Variants in CDH12 observed in about 807,000 individuals in gnomAD.
CDH12 encodes cadherin-12.
A neutral mutation model predicts 74.1 loss-of-function variants in CDH12; 41 were observed. That is an observed-to-expected ratio of 0.55 (90% confidence interval 0.43 to 0.72). The LOEUF (loss-of-function observed/expected upper bound fraction) is 0.72, where lower values mean the gene tolerates loss of function less well. Among genes scored for constraint, CDH12 ranks in the 30% least tolerant of loss-of-function variants. The pLI, the probability that CDH12 is intolerant of heterozygous loss-of-function variation, is 0.00. For missense variants in CDH12, 945 were observed against 977.2 expected (o/e 0.97, Z 0.44); for synonymous variants, 399 against 355.0 (o/e 1.12, Z -1.39).
chr5:22,097,309 G>A (rs553994651), intron 4 of CDH12, among the ~76,000 whole-genome samples: 20 of 152,246 alleles, frequency 1.3e-4, no homozygotes, highest in South Asian at 6.2e-4. Flanking sequence ...TCAGCTTAGC[G>A]GCTGAAGACT....
At chr5:22,759,339 A>G (rs772207027) in intron 1 of CDH12, among the ~76,000 whole-genome samples, 10 of 152,178 alleles carry the variant, frequency 6.6e-5, no homozygotes, top group Non-Finnish European at 1.3e-4. Context: ...GAAATGATGT[A>G]TTTTCCTGTC....
chr5:22,149,890 G>A (rs1393496240), intron 4 of CDH12, among the ~76,000 whole-genome samples: 1 of 152,166 alleles, frequency 6.6e-6, no homozygotes, highest in Non-Finnish European at 1.5e-5. Flanking sequence ...AGCTTCTCGG[G>A]AGGCTGAGGC....
chr5:22,180,637 C>T (rs1026056899), intron 4 of CDH12, among the ~76,000 whole-genome samples: 6 of 151,960 alleles, frequency 3.9e-5, no homozygotes, highest in African/African-American at 1.5e-4. Context: ...CCTTAGCCTC[C>T]GAGTAGCTGG....
intron 5 of CDH12, among the ~76,000 whole-genome samples, chr5:22,038,633 C>T (rs1739346697): frequency 6.6e-6 from 1 of 152,186 alleles, no homozygotes; most frequent in Non-Finnish European, 1.5e-5. Flanking sequence ...TTCTCTCAGC[C>T]ACCATTCGTG....
chr5:22,752,334 A>C (rs2127036475), intron 1 of CDH12, among the ~76,000 whole-genome samples: 1 of 151,876 alleles, frequency 6.6e-6, no homozygotes, highest in Admixed American at 6.6e-5. Flanking sequence ...TAACTTCAAT[A>C]ATTAGGCTTT....
chr5:22,528,078 G>C (rs926928631), intron 1 of CDH12, among the ~76,000 whole-genome samples: 2 of 152,094 alleles, frequency 1.3e-5, no homozygotes, highest in Non-Finnish European at 2.9e-5. Context: ...TCCACACTTT[G>C]TACCTAACCT....
chr5:22,417,207 C>T (rs575242097), intron 2 of CDH12, among the ~76,000 whole-genome samples: 102 of 152,230 alleles, frequency 6.7e-4, no homozygotes, highest in Non-Finnish European at 1.3e-3. Context: ...GAGAAAGTAG[C>T]ATTGTTTTAC....
chr5:22,262,197 T>C (rs956411191), intron 3 of CDH12, among the ~76,000 whole-genome samples: 21 of 151,854 alleles, frequency 1.4e-4, no homozygotes, highest in East Asian at 2.0e-4. Flanking sequence ...ATACATGTGC[T>C]GTACTGGTGC....
At chr5:22,374,348 TA>T (rs1371898541) in intron 3 of CDH12, among the ~76,000 whole-genome samples, 1 of 152,112 alleles carries the variant, frequency 6.6e-6, no homozygotes, top group Non-Finnish European at 1.5e-5. Flanking sequence ...CACACAGCTA[TA>T]ATTACATTGA....
At chr5:22,216,990 A>T (rs1387509079) in intron 3 of CDH12, among the ~76,000 whole-genome samples, 1 of 151,834 alleles carries the variant, frequency 6.6e-6, no homozygotes, top group Non-Finnish European at 1.5e-5. Context: ...TTTCTACCTA[A>T]TTCAGAAATA....
chr5:22,282,289 C>A (rs944549052), intron 3 of CDH12, among the ~76,000 whole-genome samples: 5 of 152,016 alleles, frequency 3.3e-5, no homozygotes, highest in African/African-American at 4.8e-5. Context: ...ATCATAACAA[C>A]CCTAGCAGAA....
chr5:22,678,001 C>G (rs1580878446), intron 1 of CDH12, among the ~76,000 whole-genome samples: 1 of 146,874 alleles, frequency 6.8e-6, no homozygotes, highest in Admixed American at 7.0e-5. Flanking sequence ...GTGACCTCAT[C>G]TAAACCTAAA....
intron 6 of CDH12, among the ~76,000 whole-genome samples, chr5:21,917,018 G>A (rs147782629): frequency 6.6e-5 from 10 of 152,264 alleles, no homozygotes; most frequent in African/African-American, 2.4e-4. Flanking sequence ...GCAGTTAGTG[G>A]TCATAGAGCT....
At chr5:21,847,491 C>T (rs1750236235) in intron 7 of CDH12, among the ~76,000 whole-genome samples, 1 of 152,016 alleles carries the variant, frequency 6.6e-6, no homozygotes, top group Non-Finnish European at 1.5e-5. Context: ...TGCTGTTCAT[C>T]CAGACAATGG....
At chr5:22,705,130 T>TACACACACACAC (rs1554060406) in intron 1 of CDH12, among the ~76,000 whole-genome samples, 3 of 125,546 alleles carry the variant, frequency 2.4e-5, no homozygotes, top group African/African-American at 9.2e-5. Flanking sequence ...TATATATATA[T>TACACACACACAC]ACACACACAC....
At chr5:22,680,667 A>T (rs569113306) in intron 1 of CDH12, among the ~76,000 whole-genome samples, 1 of 152,170 alleles carries the variant, frequency 6.6e-6, no homozygotes, top group African/African-American at 2.4e-5. Flanking sequence ...ATGGATGACT[A>T]TGTTGATTGC....
intron 1 of CDH12, among the ~76,000 whole-genome samples, chr5:22,508,080 C>A (rs1736458685): frequency 6.6e-6 from 1 of 152,146 alleles, no homozygotes; most frequent in South Asian, 2.1e-4. Flanking sequence ...ATAATCTCCT[C>A]GTTTTAAGAT....
intron 6 of CDH12, among the ~76,000 whole-genome samples, chr5:21,865,966 T>A (rs1291960006): frequency 1.3e-5 from 2 of 152,170 alleles, no homozygotes; most frequent in African/African-American, 4.8e-5. Context: ...AATTGAATCA[T>A]GGGGATGGTT....
chr5:21,974,223 T>G (rs1346593617), intron 6 of CDH12, among the ~76,000 whole-genome samples: 1 of 151,296 alleles, frequency 6.6e-6, no homozygotes, highest in Non-Finnish European at 1.5e-5. Flanking sequence ...TACACGAATT[T>G]TAAGTTGTAA....
Sources: allele counts gnomAD v4.1 joint callset (sites outside exome capture counted in the v4.1 genomes callset), GRCh38; gene constraint gnomAD v4.1.1; transcripts MANE v1.5; gene names NCBI Gene and HGNC (gene_info 2026-07-23, HGNC 2026-07-21).